RCAN2: variants seen among roughly 807,000 people sequenced by gnomAD.
RCAN2 encodes the protein calcipressin-2.
Under a neutral mutation model 23.6 loss-of-function variants are expected in RCAN2, and 9 were observed. That is an observed-to-expected ratio of 0.38 (90% CI 0.23 to 0.67). RCAN2 has a LOEUF of 0.67. RCAN2 is among the 30% of genes least tolerant of loss of function. The pLI, the probability that RCAN2 is intolerant of heterozygous loss-of-function variation, is 0.51. For synonymous variants in RCAN2, 109 were observed against 115.7 expected, an observed-to-expected ratio of 0.94 and a Z score of 0.37; for missense variants, 273 against 302.3, an observed-to-expected ratio of 0.90 and a Z score of 0.72.
intron 2 of RCAN2, among the ~76,000 whole-genome samples, chr6:46,361,469 C>T (rs1765030816): frequency 6.6e-6 from 1 of 152,162 alleles, no homozygotes; most frequent in Non-Finnish European, 1.5e-5. Flanking sequence ...TTGTTATTAT[C>T]TAAAACAACA....
Position 46,483,936 on chromosome 6 carries a change from T to G in RCAN2, c.-3+7237A>C, listed in dbSNP as rs554053684. 2.6e-5 allele frequency among the ~76,000 whole-genome samples: 4 copies of G among 152,316 alleles called. No individual in the cohort carries two copies. The East Asian group carries it at 7.7e-4, about 29-fold the overall frequency. On this transcript the variant is annotated intron_variant, in intron 1 of 4. Transcript: ENST00000371374. ...AAATTTTGTTTGAACCACCATTAAT[T>G]TATCTGAATTTACATTGCTATTTCA...
intron 2 of RCAN2, among the ~76,000 whole-genome samples, chr6:46,356,506 G>A (rs1019879573): frequency 2.0e-5 from 3 of 152,146 alleles, no homozygotes. Context: ...CCAAGGCTGA[G>A]AACCTCTTTT....
At position 46,305,486 on chromosome 6, in the gene RCAN2, G is replaced by A. The variant is rs78998628; in HGVS notation, c.226-56590C>T. 1.5e-3 allele frequency among the ~76,000 whole-genome samples: 227 copies of A among 152,026 alleles called. 3 individuals are homozygous for A. Among genetic ancestry groups the A allele is most frequent in the African/African-American group, 5.2e-3 (214 of 41,488 alleles). The stretch of plus-strand genomic sequence containing the variant: ...TCACCATTAAAGCACTTGTGCTCAA[G>A]ATTTCATCTCAGACTCTGCTAGACA... On this transcript the variant is annotated intron_variant, in intron 2 of 4. Transcript: ENST00000371374.
At chr6:46,418,685 A>ATG (rs1229447451) in intron 2 of RCAN2, among the ~76,000 whole-genome samples, 23 of 121,392 alleles carry the variant, frequency 1.9e-4, no homozygotes, top group East Asian at 5.0e-4. Flanking sequence ...TCTCTAAAAT[A>ATG]TGTGTGTGTG....
At chr6:46,472,763 T>C (rs1768602229) in intron 1 of RCAN2, among the ~76,000 whole-genome samples, 2 of 152,166 alleles carry the variant, frequency 1.3e-5, no homozygotes, top group Non-Finnish European at 2.9e-5. Flanking sequence ...CAAAACTCAA[T>C]CTTAGTCTTA....
intron 2 of RCAN2, among the ~76,000 whole-genome samples, chr6:46,274,802 C>T (rs1008171438): frequency 2.0e-5 from 3 of 152,186 alleles, no homozygotes; most frequent in Admixed American, 6.5e-5. Context: ...GAAGAACCAC[C>T]AAGTACTTTC....
intron 4 of RCAN2, among the ~76,000 whole-genome samples, chr6:46,228,394 T>C (rs1436366142): frequency 6.6e-6 from 1 of 152,180 alleles, no homozygotes; most frequent in Admixed American, 6.5e-5. Context: ...CTCTCATTAT[T>C]ATTGTGTGGG....
chr6:46,310,933 C>T (rs922164926), intron 2 of RCAN2, among the ~76,000 whole-genome samples: 5 of 152,096 alleles, frequency 3.3e-5, no homozygotes, highest in African/African-American at 1.2e-4. Context: ...AGCTAAATAT[C>T]ATTAATAGAC....
intron 2 of RCAN2, among the ~76,000 whole-genome samples, chr6:46,410,558 G>T (rs1766520469): frequency 6.6e-6 from 1 of 152,168 alleles, no homozygotes; most frequent in Non-Finnish European, 1.5e-5. Context: ...AAAAAGGCAT[G>T]TCTGAGAAAT....
chr6:46,251,411 GA>G (rs1257699751), intron 2 of RCAN2, among the ~76,000 whole-genome samples: 2 of 152,186 alleles, frequency 1.3e-5, no homozygotes, highest in African/African-American at 4.8e-5. Flanking sequence ...GGAGAATTAA[GA>G]GATTAAAAAC....
intron 1 of RCAN2, among the ~76,000 whole-genome samples, chr6:46,462,325 A>G (rs1345535416): frequency 6.6e-6 from 1 of 152,232 alleles, no homozygotes; most frequent in African/African-American, 2.4e-5. Context: ...CAGTTTATTT[A>G]AATGTTAGAA....
At chr6:46,242,454 T>G (rs1255997393) in intron 4 of RCAN2, among the ~76,000 whole-genome samples, 1 of 152,204 alleles carries the variant, frequency 6.6e-6, no homozygotes, top group African/African-American at 2.4e-5. Flanking sequence ...TCCATAACGT[T>G]CTTTCTTTAG....
intron 2 of RCAN2, among the ~76,000 whole-genome samples, chr6:46,285,866 G>A (rs1733751741): frequency 6.6e-6 from 1 of 152,096 alleles, no homozygotes; most frequent in Non-Finnish European, 1.5e-5. Flanking sequence ...AGACAGACTG[G>A]ACTTCTGGTT....
At chr6:46,404,434 C>T (rs997162897) in intron 2 of RCAN2, among the ~76,000 whole-genome samples, 3 of 152,104 alleles carry the variant, frequency 2.0e-5, no homozygotes, top group African/African-American at 7.2e-5. Context: ...TTGTTGAAAA[C>T]ATTTTAAAGT....
At chr6:46,261,897 C>T (rs185276669) in intron 2 of RCAN2, among the ~76,000 whole-genome samples, 115 of 152,216 alleles carry the variant, frequency 7.6e-4, no homozygotes, top group Middle Eastern at 3.4e-3. Context: ...TCAATCCTTC[C>T]CTTTGGGGAT....
chr6:46,327,296 A>C (rs919846713), intron 2 of RCAN2, among the ~76,000 whole-genome samples: 3 of 152,034 alleles, frequency 2.0e-5, no homozygotes, highest in African/African-American at 7.3e-5. Flanking sequence ...GTGAGCATCA[A>C]AGAAGGGGAG....
At chr6:46,250,587 A>G (rs1242083295) in intron 2 of RCAN2, among the ~76,000 whole-genome samples, 1 of 152,188 alleles carries the variant, frequency 6.6e-6, no homozygotes, top group African/African-American at 2.4e-5. Context: ...TGAGATCTGA[A>G]AAGATAAGGA....
intron 2 of RCAN2, among the ~76,000 whole-genome samples, chr6:46,329,010 G>A (rs1406601857): frequency 6.6e-6 from 1 of 152,040 alleles, no homozygotes; most frequent in African/African-American, 2.4e-5. Context: ...GTAAACACTA[G>A]ACTTGGATTA....
chr6:46,462,631 C>A (rs1248585236), intron 1 of RCAN2, among the ~76,000 whole-genome samples: 7 of 152,044 alleles, frequency 4.6e-5, no homozygotes, highest in South Asian at 2.1e-4. Flanking sequence ...GAAAAAATTT[C>A]TTTTCCCCCA....
Sources: allele counts gnomAD v4.1 joint callset (sites outside exome capture counted in the v4.1 genomes callset), GRCh38; gene constraint gnomAD v4.1.1; transcripts MANE v1.5; gene names NCBI Gene and HGNC (gene_info 2026-07-23, HGNC 2026-07-21).